Variants in CLK2 observed in about 807,000 individuals in gnomAD.
CLK2 encodes the protein dual specificity protein kinase CLK2.
In CLK2, 12 loss-of-function variants were observed where a neutral mutation model predicts 73.5. The ratio of observed to expected loss-of-function variants is 0.16; its 90% confidence interval spans 0.10 to 0.26. The LOEUF (loss-of-function observed/expected upper bound fraction) is 0.26. Among genes scored for constraint, CLK2 ranks in the 10% least tolerant of loss-of-function variants. CLK2 has a pLI of 1.00. For synonymous variants in CLK2, 232 were observed against 237.9 expected (o/e 0.98, Z 0.23); for missense variants, 509 against 688.4 (o/e 0.74, Z 2.92).
At chr1:155,263,832 G>T in intron 12 of CLK2, 118 bp downstream of exon 12, 1 of 1,381,438 alleles carries the variant, frequency 7.2e-7, no homozygotes. Flanking sequence ...TCTTCTTTCA[G>T]CTTTCCTCCC....
intron 8 of CLK2, 99 bp from the exon 9 acceptor site, chr1:155,264,873 T>C: frequency 6.9e-7 from 1 of 1,441,222 alleles, no homozygotes; most frequent in East Asian, 2.4e-5. Flanking sequence ...GGTACTGTGA[T>C]CTCCTGCCTG....
chr1:155,272,141 C>G (rs1572024234), intron 1 of CLK2, among the ~76,000 whole-genome samples: 1 of 152,012 alleles, frequency 6.6e-6, no homozygotes, highest in Non-Finnish European at 1.5e-5. Context: ...CTCAGCCTCC[C>G]GAGTAGCTGG....
rs773336636 is a variant in CLK2, at chr1:155,264,685, A to G, written c.1023T>C (p.Ile341=). ...GTGCTCGGTAATGGCGAGTGGAGAC[A>G]ATGGTGCTATGGTGCTCATGGTCAA... ...ATFDHEHHST[I]VSTRHYRAPE... is the part of the protein sequence containing the mutation. The change falls in exon 9 of 13, where the codon ATT becomes ATC. Residue 341 remains isoleucine (I), a synonymous_variant. Coordinates refer to ENST00000368361, the MANE Select transcript of CLK2 (RefSeq NM_001294338.2). 3 of 1,614,198 alleles carry G rather than the reference A, an allele frequency of 1.9e-6. No homozygotes were observed. The highest frequency in any genetic ancestry group is 2.5e-6 in the Non-Finnish European group (3 of 1,180,036).
At chr1:155,271,112 A>G in intron 1 of CLK2, 135 bp from the exon 2 acceptor site, 1 of 857,656 alleles carries the variant, frequency 1.2e-6, no homozygotes. Context: ...CAACTTCCTC[A>G]GTCTTCCTCT....
At chr1:155,269,173 GA>G in intron 3 of CLK2, 5 of 579,128 alleles carry the variant, frequency 8.6e-6, no homozygotes, top group Non-Finnish European at 1.2e-5. Flanking sequence ...GGGCTTGGGG[GA>G]AAAAGGCAGT....
In CLK2 at chr1:155,269,539, C is replaced by G. The variant is rs768375384; in HGVS notation, c.348G>C (p.Arg116Ser). 2 of 1,614,000 alleles carry G rather than the reference C, an allele frequency of 1.2e-6. No individual in the cohort carries two copies. The highest frequency in any genetic ancestry group is 2.7e-5 in the African/African-American group (2 of 74,932). The change falls in exon 3 of 13, where the codon AGG becomes AGC. Residue 116 changes from arginine (R) to serine (S), a missense_variant. This residue lies in a region of CLK2 where 222 missense variants were observed against 221.7 expected (regional missense o/e 1.00). Transcript: ENST00000368361. ...SSYRSQRSSR[R>S]KHRRRRRRSR... Reference sequence around the variant, plus strand: ...TGCGCCTCCTCCGCCGTCTGTGCTTCCTCCGGCTGCTGCGCTGGCTGCGGT... The same window carrying G: ...TGCGCCTCCTCCGCCGTCTGTGCTTGCTCCGGCTGCTGCGCTGGCTGCGGT...
Position 155,268,610 on chromosome 1 carries a change from T to G in CLK2, c.487+98A>C. The G allele has an allele frequency of 4.3e-6, 5 of 1,167,404 alleles. No homozygotes were observed. Among genetic ancestry groups the G allele is most frequent in the Non-Finnish European group, 5.1e-6 (4 of 777,704 alleles). The allele number at this position is 1,167,404 out of a possible 1,614,324, so 72.3% of individuals were successfully genotyped here. A position where few individuals can be genotyped will look rare whatever the true frequency, so the allele number is the denominator to read the frequency against. On this transcript the variant is annotated intron_variant, in intron 4 of 12. Coordinates refer to ENST00000368361, the MANE Select transcript of CLK2 (RefSeq NM_001294338.2). This position sits in a 1 kb window ranked among gnomAD's most constrained non-coding sequence, Gnocchi z 5.6. ...AAACCACCCAGATAAACAACACCAC[T>G]GAGAAAAGGCAAGAGGCTGTGACTC...
intron 12 of CLK2, 37 bp from the exon 13 acceptor site, chr1:155,263,437 G>A (rs909554887): frequency 2.5e-6 from 4 of 1,609,870 alleles, no homozygotes; most frequent in Non-Finnish European, 3.4e-6. Context: ...GAGGCAGGAT[G>A]CCTTACAAAC....
intron 7 of CLK2, among the ~76,000 whole-genome samples, chr1:155,266,454 G>T (rs75240922): frequency 6.6e-6 from 1 of 152,200 alleles, no homozygotes; most frequent in African/African-American, 2.4e-5. Flanking sequence ...TCCCAAGAAA[G>T]GGAGAAAGGA....
intron 12 of CLK2, 131 bp downstream of exon 12, chr1:155,263,819 A>C: frequency 7.1e-7 from 1 of 1,399,656 alleles, no homozygotes; most frequent in Non-Finnish European, 9.8e-7. Context: ...TTGACCAAAG[A>C]TGTCTTCTTT....
intron 1 of CLK2, among the ~76,000 whole-genome samples, chr1:155,272,069 T>G (rs1040596694): frequency 3.5e-4 from 52 of 148,686 alleles, no homozygotes; most frequent in Admixed American, 1.7e-3. Context: ...CAGGCTGGAG[T>G]GCAATGGCGC....
chr1:155,272,996 T>C (rs1468397362), intron 1 of CLK2, among the ~76,000 whole-genome samples: 1 of 152,138 alleles, frequency 6.6e-6, no homozygotes, highest in African/African-American at 2.4e-5. Flanking sequence ...CTAGTCTGGT[T>C]CCGCCCAAGC....
At chr1:155,266,972 T>G in intron 6 of CLK2, 77 bp from the exon 7 acceptor site, 3 of 1,490,738 alleles carry the variant, frequency 2.0e-6, no homozygotes, top group Non-Finnish European at 2.7e-6. Context: ...AAGGAGGTAC[T>G]TCATAGCTGT....
In CLK2 at chr1:155,269,507, G is replaced by C; in HGVS notation, c.380C>G (p.Thr127Arg). Residue 127 changes from threonine to arginine, a missense_variant, in exon 3 of 13, where the codon ACA becomes AGA. Transcript: ENST00000368361. ...KHRRRRRRSR[T>R]FSRSSSQHSS... Reference sequence around the variant, plus strand: ...ACTCACCGAAGATGAGCGGCTAAATGTCCGGCTGCGCCTCCTCCGCCGTCT... The same window carrying C: ...ACTCACCGAAGATGAGCGGCTAAATCTCCGGCTGCGCCTCCTCCGCCGTCT... 1 of 1,613,898 alleles carries C rather than the reference G, an allele frequency of 6.2e-7. No individual in the cohort carries two copies. Among genetic ancestry groups the C allele is most frequent in the Non-Finnish European group, 8.5e-7 (1 of 1,180,046 alleles).
chr1:155,265,498 T>C (rs1199955056), intron 8 of CLK2, among the ~76,000 whole-genome samples: 1 of 151,470 alleles, frequency 6.6e-6, no homozygotes, highest in Non-Finnish European at 1.5e-5. Flanking sequence ...ACCTGGGAGG[T>C]AGAGGTTGCA....
rs1673333127 is a variant in CLK2 at position 155,268,415 on chromosome 1, G to A, written c.488-56C>T. 5 of 1,485,776 alleles carry A rather than the reference G, an allele frequency of 3.4e-6. No individual in the cohort carries two copies. Among genetic ancestry groups the A allele is most frequent in the Non-Finnish European group, 2.8e-6 (3 of 1,064,712 alleles). 92.0% of individuals were successfully genotyped at this position (1,485,776 alleles called of 1,614,324 possible). ...GGGAGGGAGAGAAGGTGGGGAATGA[G>A]CTGAGTTGGAAGAAAAAAGGGGACA... is the stretch of plus-strand genomic sequence containing the variant. On this transcript the variant is annotated intron_variant, in intron 4 of 12. Transcript: ENST00000368361. The surrounding 1 kb of genome is among the most constrained non-coding windows in gnomAD (Gnocchi z 5.6).
Position 155,273,441 on chromosome 1 carries a change from A to G in CLK2, c.-241T>C, listed in dbSNP as rs961688114. 4 of 144,294 alleles carry G rather than the reference A, an allele frequency of 2.8e-5. No homozygotes were observed. Among genetic ancestry groups the G allele is most frequent in the African/African-American group, 5.2e-5 (2 of 38,766 alleles). The allele number at this position is 144,294 out of a possible 1,614,324, so 8.9% of individuals were successfully genotyped here. ...CCGCCCCCGCCCGGGGCCCGATCCC[A>G]GCTCGGTCTCCGGCTCTGGCCTCTC... On this transcript the variant is annotated 5_prime_UTR_variant, in exon 1 of 13. Transcript: ENST00000368361.
At chr1:155,265,566 CAAATAAATAAATAAAT>C (rs374400975) in intron 8 of CLK2, among the ~76,000 whole-genome samples, 12 of 106,410 alleles carry the variant, frequency 1.1e-4, no homozygotes, top group South Asian at 6.3e-4. Flanking sequence ...GACTCTGTCT[CAAATAAATAAATAAAT>C]AAATAAATAA....
In CLK2 at chr1:155,270,915, G is replaced by A. The variant is rs1381924817; in HGVS notation, c.63C>T (p.His21=). ...GTCGCTTATGCTTTCGGCTCCGATA[G>A]TGTTCACGGTAACTCCCCCGGCTGC... is the stretch of plus-strand genomic sequence containing the variant. The part of the protein sequence containing the change: ...ERGSRGSYRE[H]YRSRKHKRRR... Residue 21 remains histidine, a synonymous_variant, in exon 2 of 13, where the codon CAC becomes CAT. Transcript: ENST00000368361. 6.2e-7 allele frequency: 1 copy of A among 1,614,076 alleles called. No homozygotes were observed. Among genetic ancestry groups the A allele is most frequent in the Non-Finnish European group, 8.5e-7 (1 of 1,180,036 alleles).
Sources: allele counts gnomAD v4.1 joint callset (sites outside exome capture counted in the v4.1 genomes callset), GRCh38; gene constraint gnomAD v4.1.1; regional missense constraint gnomAD v4.1.1; non-coding constraint Gnocchi (gnomAD v3.1); transcripts MANE v1.5; gene names NCBI Gene and HGNC (gene_info 2026-07-23, HGNC 2026-07-21).